The following NOS1AP variants were observed in gnomAD, a reference collection of about 807,000 sequenced individuals.
The protein encoded by NOS1AP is carboxyl-terminal PDZ ligand of neuronal nitric oxide synthase protein.
A neutral mutation model predicts 56.2 loss-of-function variants in NOS1AP; 21 were observed. That is an observed-to-expected ratio of 0.37 (90% CI 0.26 to 0.54). NOS1AP has a LOEUF of 0.54. Ranked by LOEUF, NOS1AP falls within the 20% of genes least tolerant of loss-of-function variation. NOS1AP has a pLI of 0.84. For missense variants in NOS1AP, 522 were observed against 657.8 expected, an observed-to-expected ratio of 0.79 and a Z score of 2.26; for synonymous variants, 270 against 274.6, an observed-to-expected ratio of 0.98 and a Z score of 0.17.
At chr1:162,357,784 G>C (rs1338294823) in intron 8 of NOS1AP, among the ~76,000 whole-genome samples, 1 of 151,956 alleles carries the variant, frequency 6.6e-6, no homozygotes, top group East Asian at 1.9e-4. Context: ...AACTTGTTCG[G>C]GGGCTGCTAC....
chr1:162,155,239 T>C (rs1232058837), intron 2 of NOS1AP, among the ~76,000 whole-genome samples: 33 of 146,454 alleles, frequency 2.3e-4, no homozygotes, highest in Non-Finnish European at 4.0e-4. Flanking sequence ...TATATATACA[T>C]ATACATATAC....
intron 3 of NOS1AP, among the ~76,000 whole-genome samples, chr1:162,297,736 C>G (rs1403561427): frequency 6.6e-6 from 1 of 152,120 alleles, no homozygotes; most frequent in African/African-American, 2.4e-5. Context: ...GATATAGGAA[C>G]CAGACTTTTG....
intron 1 of NOS1AP, among the ~76,000 whole-genome samples, chr1:162,149,662 T>G (rs1229915368): frequency 6.6e-6 from 1 of 152,238 alleles, no homozygotes; most frequent in Non-Finnish European, 1.5e-5. Context: ...GAGTGGATGT[T>G]TAGCTTTTGT....
intron 8 of NOS1AP, among the ~76,000 whole-genome samples, chr1:162,358,479 G>A (rs1007410741): frequency 3.3e-5 from 5 of 152,296 alleles, no homozygotes; most frequent in Middle Eastern, 3.4e-3. Flanking sequence ...AGGATATCTC[G>A]TGATGCTAGG....
chr1:162,084,247 A>C (rs1052830968), intron 1 of NOS1AP, among the ~76,000 whole-genome samples: 1 of 152,084 alleles, frequency 6.6e-6, no homozygotes, highest in Non-Finnish European at 1.5e-5. Flanking sequence ...TTTTGATTGA[A>C]ACCTGGACAT....
At chr1:162,243,250 C>T (rs563143493) in intron 2 of NOS1AP, among the ~76,000 whole-genome samples, 1 of 152,246 alleles carries the variant, frequency 6.6e-6, no homozygotes, top group South Asian at 2.1e-4. Context: ...AAGAGGAAAG[C>T]ATGCTTCTCA....
intron 8 of NOS1AP, among the ~76,000 whole-genome samples, chr1:162,358,604 G>T (rs990786812): frequency 5.3e-5 from 8 of 152,180 alleles, no homozygotes; most frequent in Non-Finnish European, 2.9e-5. Context: ...TCCATCTCCT[G>T]TAGTTAATGA....
At chr1:162,150,043 T>G (rs945689198) in intron 1 of NOS1AP, among the ~76,000 whole-genome samples, 2 of 152,200 alleles carry the variant, frequency 1.3e-5, no homozygotes, top group African/African-American at 2.4e-5. Flanking sequence ...TTGACTATAG[T>G]CATCCTATTG....
chr1:162,189,604 T>C (rs551408083), intron 2 of NOS1AP, among the ~76,000 whole-genome samples: 8 of 152,350 alleles, frequency 5.3e-5, no homozygotes, highest in South Asian at 4.1e-4. Context: ...GAGATCTCTC[T>C]TCTCATGGAA....
intron 1 of NOS1AP, among the ~76,000 whole-genome samples, chr1:162,120,731 A>C (rs980584607): frequency 2.0e-5 from 3 of 152,204 alleles, no homozygotes; most frequent in African/African-American, 7.2e-5. Context: ...CCCTCTCACA[A>C]CACTTGGGAA....
At chr1:162,321,390 T>TA (rs1656407903) in intron 4 of NOS1AP, among the ~76,000 whole-genome samples, 1 of 152,102 alleles carries the variant, frequency 6.6e-6, no homozygotes, top group South Asian at 2.1e-4. Context: ...TATGCAGCCA[T>TA]AAAAAATGAT....
intron 1 of NOS1AP, among the ~76,000 whole-genome samples, chr1:162,071,670 A>G (rs1325571518): frequency 1.3e-5 from 2 of 152,180 alleles, no homozygotes; most frequent in Non-Finnish European, 2.9e-5. Context: ...TAGTTCTCTC[A>G]TCTCTCAGAA....
intron 6 of NOS1AP, among the ~76,000 whole-genome samples, chr1:162,353,238 G>T (rs1657582554): frequency 6.6e-6 from 1 of 152,058 alleles, no homozygotes; most frequent in East Asian, 1.9e-4. Context: ...AAAATGTTTT[G>T]GTATTACTTG....
intron 4 of NOS1AP, among the ~76,000 whole-genome samples, chr1:162,307,165 GT>G (rs938304382): frequency 6.6e-6 from 1 of 152,106 alleles, no homozygotes; most frequent in African/African-American, 2.4e-5. Flanking sequence ...TATTGGAGTA[GT>G]TGTTCTGTTA....
At chr1:162,354,555 A>G (rs1657630232) in intron 6 of NOS1AP, among the ~76,000 whole-genome samples, 2 of 152,020 alleles carry the variant, frequency 1.3e-5, no homozygotes, top group Non-Finnish European at 2.9e-5. Context: ...CAGCCACCCC[A>G]TCTCTCTCCT....
At chr1:162,329,853 G>T (rs1656709409) in intron 4 of NOS1AP, among the ~76,000 whole-genome samples, 1 of 152,198 alleles carries the variant, frequency 6.6e-6, no homozygotes, top group Non-Finnish European at 1.5e-5. Flanking sequence ...TGACTTTTTG[G>T]TTAGCTAGAG....
intron 4 of NOS1AP, among the ~76,000 whole-genome samples, chr1:162,303,640 C>A (rs753513716): frequency 1.3e-5 from 2 of 152,126 alleles, no homozygotes; most frequent in African/African-American, 4.8e-5. Flanking sequence ...CAGGGCCTCA[C>A]TATGTTGCCC....
At chr1:162,072,115 A>AGAT (rs1387390019) in intron 1 of NOS1AP, among the ~76,000 whole-genome samples, 2 of 117,076 alleles carry the variant, frequency 1.7e-5, no homozygotes, top group Non-Finnish European at 3.7e-5. Context: ...GATAGATAGA[A>AGAT]AGTGTATTTT....
At chr1:162,147,008 A>T (rs1448342509) in intron 1 of NOS1AP, among the ~76,000 whole-genome samples, 1 of 152,184 alleles carries the variant, frequency 6.6e-6, no homozygotes, top group Non-Finnish European at 1.5e-5. Flanking sequence ...TATCAGAAGC[A>T]GAATAATCTG....
Sources: allele counts gnomAD v4.1 joint callset (sites outside exome capture counted in the v4.1 genomes callset), GRCh38; gene constraint gnomAD v4.1.1; transcripts MANE v1.5; gene names NCBI Gene and HGNC (gene_info 2026-07-23, HGNC 2026-07-21).